Variants in KIAA1549 observed in about 807,000 individuals in gnomAD.
KIAA1549 encodes KIAA1549.
KIAA1549 carries 70 observed loss-of-function variants against 156.4 expected under a neutral mutation model. The ratio of observed to expected loss-of-function variants is 0.45; its 90% CI spans 0.37 to 0.55. The LOEUF (loss-of-function observed/expected upper bound fraction) is 0.55, where lower values mean the gene tolerates loss of function less well. KIAA1549 is among the 20% of genes least tolerant of loss of function. The pLI, the probability that KIAA1549 is intolerant of heterozygous loss-of-function variation, is 0.00. For missense variants in KIAA1549, 2,428 were observed against 2,540.9 expected (o/e 0.96, Z 0.96); for synonymous variants, 1,103 against 1,066.4 (o/e 1.03, Z -0.67).
At chr7:138,903,840 TGTGTGTGTGTGTGCGCGCGC>T (rs1302955348) in intron 7 of KIAA1549, 104 bp from the exon 8 acceptor site, 13 of 506,026 alleles carry the variant, frequency 2.6e-5, no homozygotes, top group South Asian at 8.4e-5. Context: ...TGTGTGTGTG[TGTGTGTGTGTGTGCGCGCGC>T]GCGCGCGCGC....
At chr7:138,978,463 T>G (rs540359040) in intron 1 of KIAA1549, among the ~76,000 whole-genome samples, 1 of 151,482 alleles carries the variant, frequency 6.6e-6, no homozygotes, top group African/African-American at 2.4e-5. Context: ...AGTCAATGGT[T>G]AAGACCAAAC....
intron 17 of KIAA1549, among the ~76,000 whole-genome samples, chr7:138,851,057 C>T (rs1243527813): frequency 6.6e-6 from 1 of 152,074 alleles, no homozygotes; most frequent in Non-Finnish European, 1.5e-5. Flanking sequence ...TCTTCTATAT[C>T]CTTTCTGTAT....
chr7:138,871,271 G>A lies in KIAA1549; in HGVS notation c.4437C>T (p.Ser1479=). ...GCTGGATCTTACTGGGGACCCGCCG[G>A]CTAGCCTCCGGGGGGCGGGAGATCC... The part of the protein sequence containing the change: ...VDRISRPPEA[S]RRVPSKIQLI... The change falls in exon 13 of 20, where the codon AGC becomes AGT. Residue 1479 remains serine (S), a synonymous_variant. Coordinates refer to ENST00000422774, the MANE Select transcript of KIAA1549 (RefSeq NM_001164665.2). 1.9e-6 allele frequency: 3 copies of A among 1,611,618 alleles called. No homozygotes were observed. Among genetic ancestry groups the A allele is most frequent in the Non-Finnish European group, 2.5e-6 (3 of 1,178,910 alleles).
At chr7:138,844,198 G>T in intron 18 of KIAA1549, 119 bp downstream of exon 18, 4 of 1,141,462 alleles carry the variant, frequency 3.5e-6, no homozygotes, top group Non-Finnish European at 5.1e-6. Flanking sequence ...AGGGGAAACA[G>T]CCCTGAAACA....
At position 138,943,676 on chromosome 7, in the gene KIAA1549, C is replaced by T. The variant is rs1013697672; in HGVS notation, c.188-24238G>A. 3.3e-5 allele frequency among the ~76,000 whole-genome samples: 5 copies of T among 152,126 alleles called. No individual in the cohort carries two copies. In the South Asian group the frequency reaches 6.2e-4, roughly 19 times the overall value. On this transcript the variant is annotated intron_variant, in intron 1 of 19. Coordinates refer to ENST00000422774, the MANE Select transcript of KIAA1549 (RefSeq NM_001164665.2). ...CATCCTGGCTAACATGGTGAAACCC[C>T]GTCTCTACTAAAAATACAAAAATTT...
At chr7:138,912,904 C>A (rs2130469218) in intron 2 of KIAA1549, among the ~76,000 whole-genome samples, 1 of 152,154 alleles carries the variant, frequency 6.6e-6, no homozygotes, top group Non-Finnish European at 1.5e-5. Context: ...TTTTTGAGAC[C>A]CGCTCTGTCG....
intron 17 of KIAA1549, among the ~76,000 whole-genome samples, chr7:138,849,878 T>C (rs954181786): frequency 6.6e-6 from 1 of 152,212 alleles, no homozygotes. Context: ...TCCATGTTCC[T>C]GCAAAAGACA....
intron 15 of KIAA1549, among the ~76,000 whole-genome samples, chr7:138,867,503 C>G (rs1810781725): frequency 6.6e-6 from 1 of 151,642 alleles, no homozygotes; most frequent in South Asian, 2.1e-4. Flanking sequence ...TACAGTGAGC[C>G]TGGATCACAC....
chr7:138,851,783 C>G (rs1346799130), intron 17 of KIAA1549, among the ~76,000 whole-genome samples: 1 of 152,186 alleles, frequency 6.6e-6, no homozygotes, highest in Admixed American at 6.5e-5. Context: ...TGGATGTTTA[C>G]CAGGGTCTCC....
At chr7:138,934,929 T>C (rs1346882077) in intron 1 of KIAA1549, among the ~76,000 whole-genome samples, 1 of 152,002 alleles carries the variant, frequency 6.6e-6, no homozygotes, top group Non-Finnish European at 1.5e-5. Flanking sequence ...CAAAATACAA[T>C]CCCATCCAGA....
intron 14 of KIAA1549, among the ~76,000 whole-genome samples, chr7:138,868,952 G>A (rs1158076891): frequency 6.6e-6 from 1 of 152,212 alleles, no homozygotes; most frequent in African/African-American, 2.4e-5. Flanking sequence ...CAGGCAATAA[G>A]AGCCACCTCA....
At chr7:138,941,414 C>T (rs1813180076) in intron 1 of KIAA1549, among the ~76,000 whole-genome samples, 1 of 152,160 alleles carries the variant, frequency 6.6e-6, no homozygotes, top group Admixed American at 6.5e-5. Flanking sequence ...CAAAGCAGTG[C>T]ATTTATTACA....
At chr7:138,947,636 C>T (rs1246793088) in intron 1 of KIAA1549, among the ~76,000 whole-genome samples, 1 of 152,256 alleles carries the variant, frequency 6.6e-6, no homozygotes, top group Non-Finnish European at 1.5e-5. Context: ...TAACTAACCT[C>T]ATAATTACAC....
At chr7:138,941,026 C>G (rs1244772648) in intron 1 of KIAA1549, among the ~76,000 whole-genome samples, 1 of 151,812 alleles carries the variant, frequency 6.6e-6, no homozygotes, top group African/African-American at 2.4e-5. Flanking sequence ...TTAATTAGAT[C>G]CCATTTGTCA....
At chr7:138,848,572 A>G (rs1237980047) in intron 17 of KIAA1549, among the ~76,000 whole-genome samples, 8 of 152,156 alleles carry the variant, frequency 5.3e-5, no homozygotes, top group Admixed American at 5.2e-4. Flanking sequence ...GCTCACTGAT[A>G]TTTAGTTTCA....
rs1809687616 is a variant in KIAA1549 at position 138,835,739 on chromosome 7, G to GGGTATTAAACCAAGACCAAGAGAAATTT, written c.*2139_*2166dup. 4.6e-6 allele frequency: 1 copy of GGGTATTAAACCAAGACCAAGAGAAATTT among 218,630 alleles called. No homozygotes were observed. 13.5% of individuals were successfully genotyped at this position (218,630 alleles called of 1,614,324 possible). ...ATAATCGTTCAATTTGGGAGGAGTC[G>GGGTATTAAACCAAGACCAAGAGAAATTT]GGTATTAAACCAAGACCAAGAGAAA... On this transcript the variant is annotated 3_prime_UTR_variant, in exon 20 of 20. Transcript: ENST00000422774.
intron 1 of KIAA1549, among the ~76,000 whole-genome samples, chr7:138,971,302 C>T (rs977795590): frequency 5.3e-5 from 8 of 152,158 alleles, no homozygotes; most frequent in Middle Eastern, 3.2e-3. Context: ...ATCTGCTCGC[C>T]TCCCACCCTC....
intron 1 of KIAA1549, among the ~76,000 whole-genome samples, chr7:138,933,392 C>T (rs917060581): frequency 2.0e-5 from 3 of 152,164 alleles, no homozygotes; most frequent in African/African-American, 4.8e-5. Flanking sequence ...TTCAAAAATG[C>T]CAAGGTCATA....
intron 17 of KIAA1549, among the ~76,000 whole-genome samples, chr7:138,851,097 G>A (rs587764348): frequency 1.3e-5 from 2 of 152,104 alleles, no homozygotes; most frequent in East Asian, 1.9e-4. Context: ...TTGCTCATAA[G>A]CCAAATACAT....
Sources: gnomAD v4.1 joint callset for allele counts (sites outside exome capture counted in the v4.1 genomes callset) on GRCh38, gnomAD v4.1.1 for gene constraint, MANE v1.5 for transcripts, NCBI Gene and HGNC (gene_info 2026-07-23, HGNC 2026-07-21) for gene names.